Variants in SHLD2 observed in about 807,000 individuals in gnomAD.
SHLD2 encodes shieldin complex subunit 2.
Under a neutral mutation model 73.2 loss-of-function variants are expected in SHLD2, and 30 were observed. The ratio of observed to expected loss-of-function variants is 0.41; its 90% CI spans 0.31 to 0.56. The LOEUF (loss-of-function observed/expected upper bound fraction) is 0.56, where lower values mean the gene tolerates loss of function less well. Among genes scored for constraint, SHLD2 ranks in the 20% least tolerant of loss-of-function variants. The pLI is 0.28. For missense variants in SHLD2, 745 were observed against 1,055.9 expected, an observed-to-expected ratio of 0.71 and a Z score of 4.08; for synonymous variants, 285 against 370.1, an observed-to-expected ratio of 0.77 and a Z score of 2.64.
intron 2 of SHLD2, among the ~76,000 whole-genome samples, chr10:87,121,749 A>G (rs948085719): frequency 1.4e-5 from 2 of 138,012 alleles, no homozygotes; most frequent in African/African-American, 5.4e-5. Context: ...CAAAAGTGGT[A>G]TTTTCTTTCT....
intron 2 of SHLD2, among the ~76,000 whole-genome samples, chr10:87,121,775 T>TA (rs1292065368): frequency 6.6e-6 from 1 of 150,728 alleles, no homozygotes; most frequent in East Asian, 1.9e-4. Context: ...TTTTTTTTTT[T>TA]TTTTTAATTG....
intron 2 of SHLD2, among the ~76,000 whole-genome samples, chr10:87,102,715 C>T (rs1241599222): frequency 6.6e-6 from 1 of 151,696 alleles, no homozygotes; most frequent in Admixed American, 6.6e-5. Flanking sequence ...TTTCAAAAAA[C>T]AAAAAGAAAA....
intron 4 of SHLD2, among the ~76,000 whole-genome samples, chr10:87,166,328 A>G (rs186189702): frequency 8.7e-6 from 1 of 115,486 alleles, no homozygotes; most frequent in Admixed American, 8.3e-5. Flanking sequence ...TAAGATTAAC[A>G]TACAAAAGTC....
chr10:87,168,029 C>T (rs7095876), intron 4 of SHLD2, among the ~76,000 whole-genome samples: 5 of 152,126 alleles, frequency 3.3e-5, no homozygotes, highest in African/African-American at 4.8e-5. Flanking sequence ...ACTGTTGGTG[C>T]GAATGTAAAT....
chr10:87,128,653 C>T (rs899464568), intron 2 of SHLD2, among the ~76,000 whole-genome samples: 3 of 152,152 alleles, frequency 2.0e-5, no homozygotes, highest in Non-Finnish European at 4.4e-5. Context: ...GATTTTGCTC[C>T]ATTGTCTTCT....
At chr10:87,122,652 T>C (rs1843709241) in intron 2 of SHLD2, among the ~76,000 whole-genome samples, 1 of 152,216 alleles carries the variant, frequency 6.6e-6, no homozygotes, top group Admixed American at 6.5e-5. Flanking sequence ...CTAAGAGTGT[T>C]ATGAGAATTC....
chr10:87,159,013 A>AT (rs1401311429), intron 4 of SHLD2, among the ~76,000 whole-genome samples: 4 of 152,178 alleles, frequency 2.6e-5, no homozygotes, highest in African/African-American at 9.7e-5. Context: ...TAGTAGTAAC[A>AT]TAGTAATATT....
At chr10:87,101,480 T>C (rs1417544417) in intron 2 of SHLD2, among the ~76,000 whole-genome samples, 1 of 152,244 alleles carries the variant, frequency 6.6e-6, no homozygotes, top group Non-Finnish European at 1.5e-5. Context: ...AGTATGGCCT[T>C]GAACTCCTGG....
rs578020461 is a variant in SHLD2, at chr10:87,187,297, T to G, written c.2515+97T>G. On this transcript the variant is annotated intron_variant, in intron 9 of 9. Coordinates refer to ENST00000298786, the MANE Select transcript of SHLD2 (RefSeq NM_001330112.2). Reference sequence around the variant, plus strand: ...CACTGTACTTTAAATTAAGAGCTTTTCTGTCCATATGAAAACCGAAGGATA... The same window carrying G: ...CACTGTACTTTAAATTAAGAGCTTTGCTGTCCATATGAAAACCGAAGGATA... 212 of 783,564 alleles carry G rather than the reference T, an allele frequency of 2.7e-4. No individual in the cohort carries two copies. In the African/African-American group the frequency reaches 3.3e-3, roughly 12 times the overall value. 48.5% of individuals were successfully genotyped at this position (783,564 alleles called of 1,614,324 possible).
At chr10:87,165,466 G>T (rs1480507532) in intron 4 of SHLD2, among the ~76,000 whole-genome samples, 2 of 152,204 alleles carry the variant, frequency 1.3e-5, no homozygotes, top group Non-Finnish European at 2.9e-5. Context: ...TATCATAAAT[G>T]CTTTGATATT....
intron 2 of SHLD2, among the ~76,000 whole-genome samples, chr10:87,143,862 C>CTT (rs61651864): frequency 0.014 from 1,470 of 104,658 alleles, 39 homozygotes; most frequent in African/African-American, 0.045. Flanking sequence ...TTTATTCTTT[C>CTT]TTTTTTTTTT....
At chr10:87,123,721 A>G (rs539644014) in intron 2 of SHLD2, among the ~76,000 whole-genome samples, 2 of 152,316 alleles carry the variant, frequency 1.3e-5, no homozygotes, top group Admixed American at 1.3e-4. Flanking sequence ...GTCATGAGGC[A>G]GATCCCTCAT....
At chr10:87,186,064 G>C (rs1267124059) in intron 8 of SHLD2, among the ~76,000 whole-genome samples, 2 of 152,016 alleles carry the variant, frequency 1.3e-5, no homozygotes, top group African/African-American at 4.8e-5. Context: ...AACCAGATTT[G>C]TCTTTTTCAC....
Position 87,142,572 on chromosome 10 carries a change from C to T in SHLD2, c.-5-8778C>T, listed in dbSNP as rs573809283. ...TGGAGGTGGAGAAAAGTGGTCAAAC[C>T]CTGAATGAACGTTAAAGATAGGACC... is the stretch of plus-strand genomic sequence containing the variant. On this transcript the variant is annotated intron_variant, in intron 2 of 9. Coordinates refer to ENST00000298786, the MANE Select transcript of SHLD2 (RefSeq NM_001330112.2). Among the ~76,000 whole-genome samples the T allele has an allele frequency of 2.4e-3, 357 of 151,880 alleles. 2 individuals carry two copies. Among genetic ancestry groups the T allele is most frequent in the African/African-American group, 8.5e-3 (350 of 41,396 alleles).
At chr10:87,111,308 A>T (rs1842905876) in intron 2 of SHLD2, among the ~76,000 whole-genome samples, 1 of 152,058 alleles carries the variant, frequency 6.6e-6, no homozygotes, top group African/African-American at 2.4e-5. Context: ...GACTGTAGGC[A>T]TGTGCCACCA....
At chr10:87,125,781 G>T (rs1398738231) in intron 2 of SHLD2, among the ~76,000 whole-genome samples, 2 of 151,796 alleles carry the variant, frequency 1.3e-5, no homozygotes, top group Admixed American at 6.6e-5. Flanking sequence ...ACAAAAATTA[G>T]CTGGGCGTGG....
At chr10:87,123,166 C>G (rs1843743422) in intron 2 of SHLD2, among the ~76,000 whole-genome samples, 1 of 152,176 alleles carries the variant, frequency 6.6e-6, no homozygotes, top group South Asian at 2.1e-4. Flanking sequence ...CTTGGCCTCC[C>G]AAAATGCTGA....
At chr10:87,096,553 G>A (rs1390938991) in intron 1 of SHLD2, among the ~76,000 whole-genome samples, 1 of 152,032 alleles carries the variant, frequency 6.6e-6, no homozygotes, top group African/African-American at 2.4e-5. Flanking sequence ...TTCAAGACCA[G>A]CCTGGGCTCG....
chr10:87,104,014 A>C (rs1012993532), intron 2 of SHLD2, among the ~76,000 whole-genome samples: 2 of 151,998 alleles, frequency 1.3e-5, no homozygotes, highest in Non-Finnish European at 2.9e-5. Context: ...TGGGTGGATC[A>C]CTTGAGGTCA....
Sources: gnomAD v4.1 joint callset for allele counts (sites outside exome capture counted in the v4.1 genomes callset) on GRCh38, gnomAD v4.1.1 for gene constraint, MANE v1.5 for transcripts, NCBI Gene and HGNC (gene_info 2026-07-23, HGNC 2026-07-21) for gene names.